PECAM1: variants seen among roughly 807,000 people sequenced by gnomAD.
The protein encoded by PECAM1 is platelet endothelial cell adhesion molecule.
A neutral mutation model predicts 13.8 loss-of-function variants in PECAM1; 8 were observed. That is an observed-to-expected ratio of 0.58 (90% CI 0.34 to 1.05). The LOEUF is 1.05. Among genes scored for constraint, PECAM1 ranks in the 50% least tolerant of loss-of-function variants. The pLI is 0.03. For missense variants in PECAM1, 304 were observed against 141.2 expected, an observed-to-expected ratio of 2.15 and a Z score of -5.84; for synonymous variants, 136 against 52.6, an observed-to-expected ratio of 2.58 and a Z score of -6.86.
chr17:64,320,993 A>ATC lies in PECAM1; in HGVS notation c.*2822_*2823insGA, dbSNP rs1173478490. On this transcript the variant is annotated 3_prime_UTR_variant, in exon 16 of 16. Transcript: ENST00000563924. ...CCATTCCAAAACCAGCGGGAGACAA[A>ATC]ATCGCCCGACAGTCGTTGCTTTAGT... 1 of 147,000 alleles carries ATC rather than the reference A, an allele frequency of 6.8e-6. No homozygotes were observed. The highest frequency in any genetic ancestry group is 1.5e-5 in the Non-Finnish European group (1 of 67,994). 9.1% of individuals were successfully genotyped at this position (147,000 alleles called of 1,614,324 possible). A position where few individuals can be genotyped will look rare whatever the true frequency, so the allele number is the denominator to read the frequency against.
intron 13 of PECAM1, among the ~76,000 whole-genome samples, chr17:64,342,741 G>A (rs1382000085): frequency 2.0e-5 from 3 of 152,008 alleles, no homozygotes; most frequent in Non-Finnish European, 4.4e-5. Flanking sequence ...GAGACTCAAG[G>A]GCGCCCTTCC....
chr17:64,322,497 C>T lies in PECAM1; in HGVS notation c.*1319G>A. The T allele has an allele frequency of 1.0e-6, 1 of 985,428 alleles. No individual in the cohort carries two copies. The highest frequency in any genetic ancestry group is 1.2e-6 in the Non-Finnish European group (1 of 829,938). The allele number at this position is 985,428 out of a possible 1,614,324, so 61.0% of individuals were successfully genotyped here. ...TGGCCCCTCAGAAGACAACATTTCA[C>T]AGATCTGCAAAGAGCAAAGGTCAAA... On this transcript the variant is annotated 3_prime_UTR_variant, in exon 16 of 16. Transcript: ENST00000563924.
intron 7 of PECAM1, among the ~76,000 whole-genome samples, chr17:64,359,483 C>A (rs1053447214): frequency 1.3e-5 from 2 of 152,160 alleles, no homozygotes; most frequent in Admixed American, 6.6e-5. Context: ...CTAGGAGTCA[C>A]AACAGCAGAG....
chr17:64,322,541 C>T lies in PECAM1; in HGVS notation c.*1275G>A, dbSNP rs1236583931. On this transcript the variant is annotated 3_prime_UTR_variant, in exon 16 of 16. Coordinates refer to ENST00000563924, the MANE Select transcript of PECAM1 (RefSeq NM_000442.5). Reference sequence around the variant, plus strand: ...GGTCAAATTTATTTAATACAACATCCACGAGGGTCCCTGCAGCTGTGTCAC... The same window carrying T: ...GGTCAAATTTATTTAATACAACATCTACGAGGGTCCCTGCAGCTGTGTCAC... 1.0e-6 allele frequency: 1 copy of T among 985,368 alleles called. No homozygotes were observed. The highest frequency in any genetic ancestry group is 1.2e-6 in the Non-Finnish European group (1 of 829,964). The allele number at this position is 985,368 out of a possible 1,614,324, so 61.0% of individuals were successfully genotyped here. A position where few individuals can be genotyped will look rare whatever the true frequency, so the allele number is the denominator to read the frequency against.
chr17:64,349,696 C>A (rs1158801707), intron 12 of PECAM1, among the ~76,000 whole-genome samples: 1 of 151,392 alleles, frequency 6.6e-6, no homozygotes, highest in Non-Finnish European at 1.5e-5. Context: ...ACCAGCCTGG[C>A]CAACACAGTG....
At chr17:64,371,834 A>G (rs979413897) in intron 4 of PECAM1, among the ~76,000 whole-genome samples, 4 of 152,120 alleles carry the variant, frequency 2.6e-5, no homozygotes, top group African/African-American at 9.7e-5. Flanking sequence ...CATCTCAAAA[A>G]TAAATAAATA....
intron 5 of PECAM1, among the ~76,000 whole-genome samples, chr17:64,367,635 G>A (rs1235963165): frequency 2.0e-5 from 3 of 151,948 alleles, no homozygotes; most frequent in Non-Finnish European, 4.4e-5. Context: ...AAGTTATCCA[G>A]GGAAAGTATC....
Position 64,321,586 on chromosome 17 carries a change from C to T in PECAM1, c.*2230G>A. The T allele has an allele frequency of 2.0e-6, 1 of 492,042 alleles. No homozygotes were observed. Among genetic ancestry groups the T allele is most frequent in the Non-Finnish European group, 2.8e-6 (1 of 355,256 alleles). The allele number at this position is 492,042 out of a possible 1,614,324, so 30.5% of individuals were successfully genotyped here. A position where few individuals can be genotyped will look rare whatever the true frequency, so the allele number is the denominator to read the frequency against. On this transcript the variant is annotated 3_prime_UTR_variant, in exon 16 of 16. Coordinates refer to ENST00000563924, the MANE Select transcript of PECAM1 (RefSeq NM_000442.5). Reference sequence around the variant, plus strand: ...CAGCCTGGGCACCATGGTGAAACCTCATCTCTGCAAAAAAAAAATTAAAAA... The same window carrying T: ...CAGCCTGGGCACCATGGTGAAACCTTATCTCTGCAAAAAAAAAATTAAAAA...
Position 64,341,662 on chromosome 17 carries a change from C to A in PECAM1, c.2136G>T (p.Val712=). The part of the protein sequence containing the change: ...KDLGKKDTET[V]YSEVRKAVPD... ...GGACAGCTTTCCGGACTTCACTGTA[C>A]ACTGTCTCTGTGTCCTTCTTTCCTA... The change falls in exon 14 of 16, where the codon GTG becomes GTT. Residue 712 remains valine (V), a synonymous_variant. Coordinates refer to ENST00000563924, the MANE Select transcript of PECAM1 (RefSeq NM_000442.5). 2.2e-6 allele frequency: 1 copy of A among 453,580 alleles called. No individual in the cohort carries two copies. The highest frequency in any genetic ancestry group is 4.0e-6 in the Non-Finnish European group (1 of 248,670). 28.1% of individuals were successfully genotyped at this position (453,580 alleles called of 1,614,324 possible).
chr17:64,347,189 C>T (rs1483342197), intron 13 of PECAM1, among the ~76,000 whole-genome samples: 1 of 151,740 alleles, frequency 6.6e-6, no homozygotes, highest in Non-Finnish European at 1.5e-5. Context: ...GGCAACATGG[C>T]GAAACCCTGT....
intron 5 of PECAM1, among the ~76,000 whole-genome samples, chr17:64,365,326 T>C (rs2036078782): frequency 6.6e-6 from 1 of 152,000 alleles, no homozygotes. Context: ...TAAAAGAGGA[T>C]ACAAACAAAT....
At chr17:64,370,064 A>C (rs1201160903) in intron 4 of PECAM1, 39 bp from the exon 5 acceptor site, 2 of 398,486 alleles carry the variant, frequency 5.0e-6, no homozygotes, top group Non-Finnish European at 4.4e-6. Flanking sequence ...ACTCAGGTGC[A>C]AACCTGGGCA....
chr17:64,368,247 T>C (rs1186459711), intron 5 of PECAM1, among the ~76,000 whole-genome samples: 2 of 152,200 alleles, frequency 1.3e-5, no homozygotes, highest in African/African-American at 4.8e-5. Context: ...CAAAATAATG[T>C]TCCTGTTCTC....
intron 12 of PECAM1, among the ~76,000 whole-genome samples, chr17:64,348,631 T>C (rs2035640269): frequency 6.6e-6 from 1 of 151,968 alleles, no homozygotes; most frequent in Admixed American, 6.6e-5. Flanking sequence ...AGAGACAGGG[T>C]TTCACCATAT....
intron 14 of PECAM1, among the ~76,000 whole-genome samples, chr17:64,336,675 A>G (rs1314039151): frequency 6.6e-6 from 1 of 152,134 alleles, no homozygotes. Context: ...ACTTGAGCCC[A>G]GGAATTGGGC....
At position 64,321,903 on chromosome 17, in the gene PECAM1, T is replaced by A; in HGVS notation, c.*1913A>T. On this transcript the variant is annotated 3_prime_UTR_variant, in exon 16 of 16. Coordinates refer to ENST00000563924, the MANE Select transcript of PECAM1 (RefSeq NM_000442.5). ...TAAGGAACTCCCTGGACACAGGGGA[T>A]CTGGCTGTCCCCAGATCATCAACAG... 7.4e-7 allele frequency: 1 copy of A among 1,345,678 alleles called. No individual in the cohort carries two copies. The highest frequency in any genetic ancestry group is 9.8e-7 in the Non-Finnish European group (1 of 1,016,526). 83.4% of individuals were successfully genotyped at this position (1,345,678 alleles called of 1,614,324 possible). A position where few individuals can be genotyped will look rare whatever the true frequency, so the allele number is the denominator to read the frequency against.
intron 15 of PECAM1, among the ~76,000 whole-genome samples, chr17:64,328,371 G>A (rs544609474): frequency 2.0e-5 from 3 of 152,176 alleles, no homozygotes; most frequent in Middle Eastern, 3.2e-3. Flanking sequence ...AGTCTCTGTC[G>A]TGACAGAGGA....
intron 2 of PECAM1, among the ~76,000 whole-genome samples, chr17:64,379,347 G>A (rs1245751040): frequency 2.0e-5 from 3 of 152,190 alleles, no homozygotes; most frequent in Admixed American, 2.0e-4. Flanking sequence ...CTGACGGAAG[G>A]GTGGATTGCT....
Position 64,357,273 on chromosome 17 carries a change from C to T in PECAM1, c.1493-875G>A, listed in dbSNP as rs1000072926. Among the ~76,000 whole-genome samples, 11 of 152,314 alleles carry T rather than the reference C, an allele frequency of 7.2e-5. No homozygotes were observed. In the South Asian group the frequency reaches 1.2e-3, roughly 17 times the overall value. ...CTCCTCCTGGGTGATTTCACCTACACGCTGAGCTTCTGTCTCTGAGCCACT... is the reference window on the plus strand; with the variant it reads ...CTCCTCCTGGGTGATTTCACCTACATGCTGAGCTTCTGTCTCTGAGCCACT... On this transcript the variant is annotated intron_variant, in intron 7 of 15. Coordinates refer to ENST00000563924, the MANE Select transcript of PECAM1 (RefSeq NM_000442.5).
Sources: allele counts gnomAD v4.1 joint callset (sites outside exome capture counted in the v4.1 genomes callset), GRCh38; gene constraint gnomAD v4.1.1; transcripts MANE v1.5; gene names NCBI Gene and HGNC (gene_info 2026-07-23, HGNC 2026-07-21).